The following NMU variants were observed in gnomAD, a reference collection of about 807,000 sequenced individuals.
NMU encodes the protein neuromedin U.
In NMU, 29 loss-of-function variants were observed where a neutral mutation model predicts 35.4. That is an observed-to-expected ratio of 0.82 (90% CI 0.61 to 1.12). The LOEUF (loss-of-function observed/expected upper bound fraction) is 1.12. Among genes scored for constraint, NMU ranks in the 50% most tolerant of loss-of-function variants. The probability of loss-of-function intolerance (pLI) is 0.00; values close to 1 mark genes in which losing one functional copy is unlikely to be tolerated. For missense variants in NMU, 199 were observed against 206.2 expected, an observed-to-expected ratio of 0.97 and a Z score of 0.21; for synonymous variants, 78 against 81.3, an observed-to-expected ratio of 0.96 and a Z score of 0.22.
intron 2 of NMU, among the ~76,000 whole-genome samples, chr4:55,629,057 T>C (rs947997021): frequency 1.3e-5 from 2 of 152,138 alleles, no homozygotes; most frequent in African/African-American, 2.4e-5. Context: ...TTTACCAAAA[T>C]ACTATATATA....
At chr4:55,614,168 T>C (rs1385974229) in intron 3 of NMU, among the ~76,000 whole-genome samples, 1 of 152,168 alleles carries the variant, frequency 6.6e-6, no homozygotes, top group Non-Finnish European at 1.5e-5. Flanking sequence ...GTTTCAAAAC[T>C]AAAAAATTAT....
At chr4:55,634,279 TAA>T (rs1168631510) in intron 1 of NMU, among the ~76,000 whole-genome samples, 1 of 152,122 alleles carries the variant, frequency 6.6e-6, no homozygotes, top group Admixed American at 6.5e-5. Context: ...ACCACATTTT[TAA>T]AGAGATAAAA....
intron 3 of NMU, among the ~76,000 whole-genome samples, chr4:55,614,759 A>G (rs1184856090): frequency 6.6e-6 from 1 of 152,224 alleles, no homozygotes; most frequent in Admixed American, 6.5e-5. Flanking sequence ...TCTTAGTACT[A>G]AAGAACTAGA....
intron 7 of NMU, among the ~76,000 whole-genome samples, chr4:55,601,047 A>G (rs13434995): frequency 0.17 from 26,398 of 152,078 alleles, 2,434 homozygotes; most frequent in South Asian, 0.24. Context: ...TTGAAATTGA[A>G]GGACAAATTT....
intron 1 of NMU, among the ~76,000 whole-genome samples, chr4:55,635,448 C>T (rs1392989638): frequency 6.6e-6 from 1 of 152,144 alleles, no homozygotes; most frequent in Non-Finnish European, 1.5e-5. Flanking sequence ...GCACACTTGC[C>T]TCTCCGACTT....
chr4:55,596,362 G>GTTT (rs34453144), intron 9 of NMU, among the ~76,000 whole-genome samples: 3 of 140,320 alleles, frequency 2.1e-5, no homozygotes, highest in Non-Finnish European at 1.6e-5. Flanking sequence ...AATTTTGGAG[G>GTTT]TTTTTTTTTT....
intron 2 of NMU, among the ~76,000 whole-genome samples, chr4:55,626,889 C>T (rs1734553537): frequency 6.6e-6 from 1 of 152,024 alleles, no homozygotes; most frequent in African/African-American, 2.4e-5. Context: ...GAAGTTTTTC[C>T]CTGCTCCTAA....
chr4:55,595,563 T>TATATACACACAC (rs755203914), intron 9 of NMU, among the ~76,000 whole-genome samples, 152 bp from the exon 10 acceptor site: 2 of 120,054 alleles, frequency 1.7e-5, no homozygotes, highest in Admixed American at 1.0e-4. Context: ...TATATATATA[T>TATATACACACAC]ACACACACAC....
At chr4:55,624,999 C>G (rs1734458972) in intron 2 of NMU, among the ~76,000 whole-genome samples, 1 of 82,128 alleles carries the variant, frequency 1.2e-5, no homozygotes. Flanking sequence ...AGGGGAATAT[C>G]ACACTCTGGG....
intron 1 of NMU, among the ~76,000 whole-genome samples, chr4:55,632,448 A>T (rs1715654267): frequency 6.6e-6 from 1 of 152,204 alleles, no homozygotes; most frequent in African/African-American, 2.4e-5. Context: ...TGCAGTCCAT[A>T]AAAGAGTTGG....
At chr4:55,610,955 A>G (rs948469184) in intron 3 of NMU, among the ~76,000 whole-genome samples, 6 of 152,196 alleles carry the variant, frequency 3.9e-5, no homozygotes, top group Non-Finnish European at 8.8e-5. Flanking sequence ...ATTCTTTTTA[A>G]TTTCAAAAGC....
chr4:55,636,265 C>A lies in NMU; in HGVS notation c.-73G>T. 1 of 1,404,402 alleles carries A rather than the reference C, an allele frequency of 7.1e-7. No individual in the cohort carries two copies. Among genetic ancestry groups the A allele is most frequent in the Non-Finnish European group, 9.2e-7 (1 of 1,089,450 alleles). 87.0% of individuals were successfully genotyped at this position (1,404,402 alleles called of 1,614,324 possible). ...CGCGTAGCTGGTGCTCCACCTGGTG[C>A]CCTGGCTGTGCCTCGGGGCCCGGAC... On this transcript the variant is annotated 5_prime_UTR_variant, in exon 1 of 10. Coordinates refer to ENST00000264218, the MANE Select transcript of NMU (RefSeq NM_006681.4). The surrounding 1 kb of genome is among the most constrained non-coding windows in gnomAD (Gnocchi z 4.0).
chr4:55,610,464 G>GAA (rs769375732), intron 3 of NMU, among the ~76,000 whole-genome samples: 24,313 of 132,036 alleles, frequency 0.18, 2,206 homozygotes, highest in South Asian at 0.24. Flanking sequence ...CTCTGTCTCA[G>GAA]AAAAAAAAAA....
intron 6 of NMU, 102 bp downstream of exon 6, chr4:55,607,196 G>T: frequency 1.3e-6 from 1 of 785,396 alleles, no homozygotes; most frequent in Non-Finnish European, 2.2e-6. Context: ...AACTTTTAAA[G>T]TAAAAAATTT....
In NMU at chr4:55,619,947, T is replaced by TGAG. The variant is rs1329052713; in HGVS notation, c.172-3565_172-3563dup. Among the ~76,000 whole-genome samples the TGAG allele has an allele frequency of 4.1e-5, 6 of 146,190 alleles. No individual in the cohort carries two copies. In the South Asian group the frequency reaches 1.4e-3, roughly 34 times the overall value. ...CAGGGTATTCCAACAGACCTGCAGC[T>TGAG]GAGGGCCCTGTCTGTTAGAAGGAAA... On this transcript the variant is annotated intron_variant, in intron 2 of 9. Transcript: ENST00000264218.
chr4:55,619,843 G>A (rs951330689), intron 2 of NMU, among the ~76,000 whole-genome samples: 1 of 140,224 alleles, frequency 7.1e-6, no homozygotes, highest in Non-Finnish European at 1.6e-5. Context: ...GCCTCCTCAA[G>A]TGGGTCCCTG....
chr4:55,604,679 A>ATTTTTTTTTTTTTATT (rs1733604608), intron 7 of NMU, among the ~76,000 whole-genome samples: 1 of 47,610 alleles, frequency 2.1e-5, no homozygotes. Flanking sequence ...TGCCTGGCTA[A>ATTTTTTTTTTTTTATT]TTTTTTTTTT....
At chr4:55,603,927 ATATAT>A (rs200976739) in intron 7 of NMU, among the ~76,000 whole-genome samples, 5,877 of 47,186 alleles carry the variant, frequency 0.12, 1,070 homozygotes, top group South Asian at 0.15. Flanking sequence ...AAAAAAAAAA[ATATAT>A]ATATATATAT....
chr4:55,599,212 T>C (rs746449933), intron 8 of NMU, 31 bp from the exon 9 acceptor site: 109 of 1,556,344 alleles, frequency 7.0e-5, no homozygotes, highest in Non-Finnish European at 9.3e-5. Flanking sequence ...AATAAATCAG[T>C]GTAACTAAAG....
Sources: gnomAD v4.1 joint callset for allele counts (sites outside exome capture counted in the v4.1 genomes callset) on GRCh38, gnomAD v4.1.1 for gene constraint, Gnocchi (gnomAD v3.1) non-coding constraint, MANE v1.5 for transcripts, NCBI Gene and HGNC (gene_info 2026-07-23, HGNC 2026-07-21) for gene names.